ZNF679: variants seen among roughly 807,000 people sequenced by gnomAD.
ZNF679 encodes the protein zinc finger protein 679, also known as hypothetical protein MGC42415.
In ZNF679, 10 loss-of-function variants were observed where a neutral mutation model predicts 13.4. That is an observed-to-expected ratio of 0.75 (90% CI 0.46 to 1.27). The LOEUF (loss-of-function observed/expected upper bound fraction) is 1.27, where lower values mean the gene tolerates loss of function less well. ZNF679 is among the 50% of genes most tolerant of loss of function. The pLI, the probability that ZNF679 is intolerant of heterozygous loss-of-function variation, is 0.00. For missense variants in ZNF679, 525 were observed against 477.8 expected (o/e 1.10, Z -0.92); for synonymous variants, 179 against 162.5 (o/e 1.10, Z -0.77).
chr7:64,232,281 T>C (rs1787650214), intron 1 of ZNF679, among the ~76,000 whole-genome samples: 1 of 152,228 alleles, frequency 6.6e-6, no homozygotes, highest in Non-Finnish European at 1.5e-5. Flanking sequence ...CAATTTCACA[T>C]GTGCACTGGC....
At chr7:64,228,911 T>C (rs928688105) in intron 1 of ZNF679, among the ~76,000 whole-genome samples, 3 of 152,200 alleles carry the variant, frequency 2.0e-5, no homozygotes, top group Admixed American at 6.5e-5. Flanking sequence ...AGAGTGACCA[T>C]CCTTATTGTT....
At chr7:64,246,935 G>A (rs1432750475) in intron 1 of ZNF679, among the ~76,000 whole-genome samples, 1 of 152,120 alleles carries the variant, frequency 6.6e-6, no homozygotes, top group Non-Finnish European at 1.5e-5. Flanking sequence ...TTGATTATAT[G>A]CTAAACAAGG....
intron 1 of ZNF679, among the ~76,000 whole-genome samples, chr7:64,243,919 G>A (rs1472922950): frequency 6.6e-6 from 1 of 152,110 alleles, no homozygotes; most frequent in African/African-American, 2.4e-5. Context: ...TTTCCAAGGA[G>A]TTCCAGGCTG....
chr7:64,232,601 G>T (rs558835993), intron 1 of ZNF679, among the ~76,000 whole-genome samples: 1 of 152,184 alleles, frequency 6.6e-6, no homozygotes, highest in Non-Finnish European at 1.5e-5. Flanking sequence ...GCATGTGGGT[G>T]CTTGGCCCCG....
intron 2 of ZNF679, among the ~76,000 whole-genome samples, chr7:64,250,568 C>G (rs1430882128): frequency 6.6e-6 from 1 of 151,714 alleles, no homozygotes; most frequent in Non-Finnish European, 1.5e-5. Flanking sequence ...TTGCAGGCAG[C>G]CTGCATTTTT....
chr7:64,249,546 A>G (rs1284884447), intron 2 of ZNF679, among the ~76,000 whole-genome samples: 1 of 152,290 alleles, frequency 6.6e-6, no homozygotes, highest in Non-Finnish European at 1.5e-5. Flanking sequence ...TTTTCCTTTT[A>G]GAAATGTATG....
At chr7:64,245,959 T>C (rs1189180777) in intron 1 of ZNF679, among the ~76,000 whole-genome samples, 1 of 152,092 alleles carries the variant, frequency 6.6e-6, no homozygotes, top group African/African-American at 2.4e-5. Context: ...TGAGCCAAGA[T>C]CTCACGATTA....
chr7:64,265,821 T>C (rs900496236), intron 4 of ZNF679, 75 bp from the exon 5 acceptor site: 7 of 1,488,230 alleles, frequency 4.7e-6, no homozygotes, highest in Admixed American at 5.1e-5. Context: ...TTGTATAATT[T>C]TATATATTCG....
At chr7:64,256,529 T>G (rs1246648898) in intron 2 of ZNF679, among the ~76,000 whole-genome samples, 1 of 152,126 alleles carries the variant, frequency 6.6e-6, no homozygotes, top group Admixed American at 6.6e-5. Flanking sequence ...TTATACGCTC[T>G]CCAGCAGCAT....
intron 3 of ZNF679, 136 bp downstream of exon 3, chr7:64,260,483 T>A: frequency 7.4e-7 from 1 of 1,357,862 alleles, no homozygotes; most frequent in Non-Finnish European, 9.9e-7. Flanking sequence ...TTCATTGGTG[T>A]AGAACAAATT....
At chr7:64,255,011 A>AAAG (rs1222341526) in intron 2 of ZNF679, among the ~76,000 whole-genome samples, 19 of 150,458 alleles carry the variant, frequency 1.3e-4, no homozygotes, top group East Asian at 3.9e-4. Flanking sequence ...AAAAAAAAAA[A>AAAG]AAAAAAGAAA....
chr7:64,262,871 C>G (rs1223770266), intron 4 of ZNF679, among the ~76,000 whole-genome samples: 3 of 152,120 alleles, frequency 2.0e-5, no homozygotes, highest in Admixed American at 6.5e-5. Context: ...TAAATTTGTT[C>G]ACCACTGTGG....
chr7:64,237,535 T>C (rs1787744002), intron 1 of ZNF679, among the ~76,000 whole-genome samples: 2 of 152,174 alleles, frequency 1.3e-5, no homozygotes, highest in African/African-American at 4.8e-5. Context: ...ACTCACAGTC[T>C]CCCTCCAGCC....
intron 2 of ZNF679, among the ~76,000 whole-genome samples, chr7:64,253,417 G>A (rs1787966642): frequency 6.6e-6 from 1 of 152,152 alleles, no homozygotes; most frequent in Non-Finnish European, 1.5e-5. Flanking sequence ...GTCCCAGCCT[G>A]CTCACACCAG....
At chr7:64,247,708 T>C (rs1201078553) in intron 1 of ZNF679, among the ~76,000 whole-genome samples, 3 of 152,040 alleles carry the variant, frequency 2.0e-5, no homozygotes, top group Admixed American at 2.0e-4. Context: ...TCTGTCACCA[T>C]GCTTGGCTAA....
intron 1 of ZNF679, among the ~76,000 whole-genome samples, chr7:64,236,975 A>AAG (rs201487010): frequency 0.11 from 1,598 of 15,152 alleles, 9 homozygotes; most frequent in Non-Finnish European, 0.18. Context: ...GAAAGAAAGA[A>AAG]AAAGAAAGAA....
chr7:64,258,147 G>T (rs563250501), intron 2 of ZNF679, among the ~76,000 whole-genome samples: 108 of 152,074 alleles, frequency 7.1e-4, no homozygotes, highest in African/African-American at 2.2e-3. Context: ...TTATATTTTA[G>T]TGGTTATGGA....
chr7:64,252,125 G>A (rs917599783), intron 2 of ZNF679, among the ~76,000 whole-genome samples: 5 of 152,106 alleles, frequency 3.3e-5, no homozygotes, highest in East Asian at 1.9e-4. Context: ...ACCAAGGCAC[G>A]GTGCAGTGTC....
At chr7:64,229,481 C>A (rs774852024) in intron 1 of ZNF679, among the ~76,000 whole-genome samples, 2 of 152,118 alleles carry the variant, frequency 1.3e-5, no homozygotes, top group Non-Finnish European at 2.9e-5. Context: ...CAACTGTGGT[C>A]TGCATCCATA....
Sources: gnomAD v4.1 joint callset for allele counts (sites outside exome capture counted in the v4.1 genomes callset) on GRCh38, gnomAD v4.1.1 for gene constraint, MANE v1.5 for transcripts, NCBI Gene and HGNC (gene_info 2026-07-23, HGNC 2026-07-21) for gene names.